Variants in UGT2A1 observed in about 807,000 individuals in gnomAD.
The protein encoded by UGT2A1 is UDP-glucuronosyltransferase 2A1.
A neutral mutation model predicts 45.4 loss-of-function variants in UGT2A1; 61 were observed. The ratio of observed to expected loss-of-function variants is 1.34; its 90% CI spans 1.09 to 1.66. The LOEUF is 1.66. UGT2A1 is among the 40% of genes most tolerant of loss of function. The pLI is 0.00. For missense variants in UGT2A1, 649 were observed against 574.3 expected, an observed-to-expected ratio of 1.13 and a Z score of -1.33; for synonymous variants, 229 against 196.2, an observed-to-expected ratio of 1.17 and a Z score of -1.40.
intron 3 of UGT2A1, among the ~76,000 whole-genome samples, chr4:69,608,578 A>G (rs1719828545): frequency 2.0e-5 from 3 of 152,224 alleles, no homozygotes; most frequent in African/African-American, 4.8e-5. Flanking sequence ...AAGAAAAAGA[A>G]AAAAAGAAAA....
chr4:69,623,423 A>G (rs1374513864), intron 3 of UGT2A1, among the ~76,000 whole-genome samples: 1 of 151,808 alleles, frequency 6.6e-6, no homozygotes. Flanking sequence ...AAAATGGGAT[A>G]GGGAAAAGAC....
chr4:69,596,676 C>T (rs996458657), intron 4 of UGT2A1, among the ~76,000 whole-genome samples: 5 of 152,110 alleles, frequency 3.3e-5, no homozygotes, highest in African/African-American at 1.2e-4. Context: ...CTCATGCCAT[C>T]GTGTCTGGCT....
intron 2 of UGT2A1, chr4:69,639,577 T>C: frequency 6.2e-7 from 1 of 1,610,494 alleles, no homozygotes; most frequent in Non-Finnish European, 8.5e-7. Context: ...TCAGTCAGAG[T>C]CAAATTAAAA....
chr4:69,606,791 G>A lies in UGT2A1; in HGVS notation c.848-7397C>T, dbSNP rs1445403101. Among the ~76,000 whole-genome samples the A allele has an allele frequency of 6.6e-5, 9 of 136,480 alleles. 1 individual carries two copies. The highest frequency in any genetic ancestry group is 1.2e-4 in the Non-Finnish European group (8 of 64,284). The allele number at this position is 136,480 out of a possible 152,430, so 89.5% of individuals were successfully genotyped here. ...TATACACCAATAACAGACAAACAGA[G>A]AGCCAAATCACGAGTGAGCTCCCAT... On this transcript the variant is annotated intron_variant, in intron 3 of 6. Coordinates refer to ENST00000286604, the MANE Select transcript of UGT2A1 (RefSeq NM_001252275.3).
intron 3 of UGT2A1, among the ~76,000 whole-genome samples, chr4:69,625,165 CT>C (rs79203266): frequency 0.35 from 52,656 of 149,412 alleles, 9,606 homozygotes; most frequent in African/African-American, 0.43. Flanking sequence ...TGTTTTCATT[CT>C]TTTTTTTTCT....
intron 2 of UGT2A1, among the ~76,000 whole-genome samples, chr4:69,642,833 G>A (rs527642939): frequency 5.5e-4 from 84 of 151,414 alleles, no homozygotes; most frequent in Non-Finnish European, 9.6e-4. Context: ...TTTTTACAGT[G>A]GTTAAAGGGT....
intron 3 of UGT2A1, among the ~76,000 whole-genome samples, chr4:69,626,755 C>A (rs1418581322): frequency 6.6e-6 from 1 of 151,772 alleles, no homozygotes; most frequent in Admixed American, 6.6e-5. Context: ...GTTCATTGAA[C>A]TGTTTATACA....
chr4:69,598,983 A>G (rs4148298), intron 4 of UGT2A1, among the ~76,000 whole-genome samples: 37,452 of 152,056 alleles, frequency 0.25, 4,991 homozygotes, highest in African/African-American at 0.34. Flanking sequence ...TTTCTGTCCC[A>G]CCAAGTCCAG....
intron 3 of UGT2A1, among the ~76,000 whole-genome samples, chr4:69,627,534 AAGAGAGAGAGAGAAAGAGAG>A (rs1294848147): frequency 7.2e-6 from 1 of 139,470 alleles, no homozygotes. Context: ...GAAAGAAAGA[AAGAGAGAGAGAGAAAGAGAG>A]AGAGAGAGAG....
chr4:69,652,109 T>C (rs1212326176), intron 1 of UGT2A1, among the ~76,000 whole-genome samples: 1 of 152,100 alleles, frequency 6.6e-6, no homozygotes, highest in East Asian at 1.9e-4. Context: ...AAATTCTTAC[T>C]TCTGAGGAGG....
chr4:69,641,197 A>T (rs544592344), intron 2 of UGT2A1, among the ~76,000 whole-genome samples: 8 of 151,952 alleles, frequency 5.3e-5, no homozygotes, highest in Admixed American at 4.6e-4. Context: ...TGATGATATT[A>T]GTCAACTTCC....
intron 3 of UGT2A1, among the ~76,000 whole-genome samples, chr4:69,628,757 A>G (rs547471960): frequency 6.7e-6 from 1 of 149,038 alleles, no homozygotes; most frequent in Non-Finnish European, 1.5e-5. Flanking sequence ...TTAATACTAA[A>G]TGTAAAGTTT....
intron 2 of UGT2A1, among the ~76,000 whole-genome samples, chr4:69,640,479 G>A (rs886313611): frequency 3.3e-5 from 5 of 151,928 alleles, no homozygotes; most frequent in African/African-American, 1.2e-4. Context: ...CTTGGATATA[G>A]TGAGATCAGA....
At chr4:69,615,235 C>A (rs551721831) in intron 3 of UGT2A1, among the ~76,000 whole-genome samples, 1 of 152,008 alleles carries the variant, frequency 6.6e-6, no homozygotes, top group Non-Finnish European at 1.5e-5. Flanking sequence ...TAAATCTAAT[C>A]TTTCTAATCT....
At position 69,594,612 on chromosome 4, in the gene UGT2A1, C is replaced by A; in HGVS notation, c.1169G>T (p.Gly390Val). Reference protein sequence around the residue: ...EAIYHGVPMVGVPMFADQPDN... With the variant: ...EAIYHGVPMVVVPMFADQPDN... ...AGGCTGATCAGCAAACATGGGAACT[C>A]CCACCATAGGGACTCCGTGGTAAAT... Residue 390 changes from glycine to valine, a missense_variant, in exon 6 of 7, where the codon GGA becomes GTA. Physicochemically the swap from Gly to Val is moderately radical, Grantham distance 109. Transcript: ENST00000286604. The A allele has an allele frequency of 1.9e-6, 3 of 1,614,088 alleles. No individual in the cohort carries two copies. Among genetic ancestry groups the A allele is most frequent in the Non-Finnish European group, 2.5e-6 (3 of 1,180,016 alleles).
intron 3 of UGT2A1, among the ~76,000 whole-genome samples, chr4:69,612,989 G>C (rs1720159097): frequency 6.8e-6 from 1 of 147,904 alleles, no homozygotes; most frequent in Non-Finnish European, 1.5e-5. Context: ...ATTTAATAAA[G>C]GTCTAATATC....
chr4:69,627,433 A>G (rs1025556853), intron 3 of UGT2A1, among the ~76,000 whole-genome samples: 4 of 151,372 alleles, frequency 2.6e-5, no homozygotes, highest in African/African-American at 9.7e-5. Flanking sequence ...CCAAATAAGA[A>G]ATATTTTTTG....
chr4:69,623,983 T>G (rs1010945487), intron 3 of UGT2A1, among the ~76,000 whole-genome samples: 3 of 151,632 alleles, frequency 2.0e-5, no homozygotes, highest in African/African-American at 4.8e-5. Flanking sequence ...AACAAAAACA[T>G]GTAATTTTCA....
chr4:69,598,864 T>G (rs1487440775), intron 4 of UGT2A1, among the ~76,000 whole-genome samples: 1 of 152,154 alleles, frequency 6.6e-6, no homozygotes, highest in South Asian at 2.1e-4. Context: ...CCAACAGTTT[T>G]CATGAAGACA....
Sources: gnomAD v4.1 joint callset for allele counts (sites outside exome capture counted in the v4.1 genomes callset) on GRCh38, gnomAD v4.1.1 for gene constraint, MANE v1.5 for transcripts, NCBI Gene and HGNC (gene_info 2026-07-23, HGNC 2026-07-21) for gene names.